The following RFX6 variants were observed in gnomAD, a reference collection of about 807,000 sequenced individuals.
The protein encoded by RFX6 is DNA-binding protein RFX6.
Under a neutral mutation model 110.8 loss-of-function variants are expected in RFX6, and 50 were observed. The ratio of observed to expected loss-of-function variants is 0.45; its 90% confidence interval spans 0.36 to 0.57. The LOEUF (loss-of-function observed/expected upper bound fraction) is 0.57. Among genes scored for constraint, RFX6 ranks in the 20% least tolerant of loss-of-function variants. RFX6 has a pLI of 0.00. For missense variants in RFX6, 990 were observed against 1,127.0 expected, an observed-to-expected ratio of 0.88 and a Z score of 1.74; for synonymous variants, 383 against 411.2, an observed-to-expected ratio of 0.93 and a Z score of 0.83.
chr6:116,895,079 T>C, intron 5 of RFX6, 101 bp from the exon 6 acceptor site: 1 of 648,110 alleles, frequency 1.5e-6, no homozygotes, highest in African/African-American at 1.8e-5. Flanking sequence ...ATTTCTCTAA[T>C]CATGGTATGA....
chr6:116,902,181 T>C (rs1027611170), intron 6 of RFX6, among the ~76,000 whole-genome samples: 2 of 151,988 alleles, frequency 1.3e-5, no homozygotes, highest in Non-Finnish European at 1.5e-5. Context: ...AATGTTTGAG[T>C]AGAAATGATC....
Position 116,928,654 on chromosome 6 carries a change from A to G in RFX6, c.2399-105A>G, listed in dbSNP as rs564178628. 3 of 776,454 alleles carry G rather than the reference A, an allele frequency of 3.9e-6. No homozygotes were observed. In the African/African-American group the frequency reaches 5.1e-5, roughly 13 times the overall value. The allele number at this position is 776,454 out of a possible 1,614,324, so 48.1% of individuals were successfully genotyped here. A position where few individuals can be genotyped will look rare whatever the true frequency, so the allele number is the denominator to read the frequency against. Reference sequence around the variant, plus strand: ...GTATAGATACACATGTAATACTTACAGTTTGATATCTTTAGGACGTCACCT... The same window carrying G: ...GTATAGATACACATGTAATACTTACGGTTTGATATCTTTAGGACGTCACCT... On this transcript the variant is annotated intron_variant, in intron 17 of 18. Coordinates refer to ENST00000332958, the MANE Select transcript of RFX6 (RefSeq NM_173560.4).
At chr6:116,894,797 GA>G (rs202133551) in intron 5 of RFX6, among the ~76,000 whole-genome samples, 7 of 150,750 alleles carry the variant, frequency 4.6e-5, no homozygotes, top group South Asian at 4.2e-4. Flanking sequence ...GTATCTTGTG[GA>G]AAAAAAAAGT....
Position 116,894,002 on chromosome 6 carries a change from G to C in RFX6, c.582G>C (p.Gly194=). The C allele has an allele frequency of 6.3e-7, 1 of 1,598,734 alleles. No homozygotes were observed. The highest frequency in any genetic ancestry group is 8.6e-7 in the Non-Finnish European group (1 of 1,166,148). Residue 194 remains glycine, a synonymous_variant, in exon 5 of 19, where the codon GGG becomes GGC. Transcript: ENST00000332958. The part of the protein sequence containing the change: ...TRGHSKYHYY[G]IGIKESSAYY... ...TTTGCTCTAGGTATCATTACTATGG[G>C]ATTGGCATCAAAGAGAGCAGTGCAT...
In RFX6 at chr6:116,931,480, A is replaced by G. The variant is rs1289810393; in HGVS notation, c.2761A>G (p.Met921Val). 2.5e-6 allele frequency: 4 copies of G among 1,613,668 alleles called. No individual in the cohort carries two copies. In the East Asian group the frequency reaches 8.9e-5, roughly 36 times the overall value. The change falls in exon 19 of 19, where the codon ATG becomes GTG. Residue 921 changes from methionine (M) to valine (V), a missense_variant. Physicochemically the swap from Met to Val is conservative, Grantham distance 21. Transcript: ENST00000332958. ...TTTACCACCTATCAACACTGTGTTC[A>G]TGGGAACAGCAGCTGGAGGCACTTA... ...SSLPPINTVF[M>V]GTAAGGT
chr6:116,931,221 G>T (rs994654268), intron 18 of RFX6, 110 bp from the exon 19 acceptor site: 2 of 815,620 alleles, frequency 2.5e-6, no homozygotes, highest in South Asian at 1.4e-5. Flanking sequence ...TTTAGAATAG[G>T]TATGTGTGCT....
At chr6:116,897,684 A>G (rs1316935690) in intron 6 of RFX6, among the ~76,000 whole-genome samples, 2 of 152,220 alleles carry the variant, frequency 1.3e-5, no homozygotes, top group Non-Finnish European at 2.9e-5. Context: ...ATTGGAGGCT[A>G]TCTGGATAGT....
intron 16 of RFX6, among the ~76,000 whole-genome samples, 193 bp from the exon 17 acceptor site, chr6:116,926,834 A>T (rs2114703502): frequency 6.6e-6 from 1 of 152,264 alleles, no homozygotes; most frequent in South Asian, 2.1e-4. Flanking sequence ...CACTGTTGTG[A>T]TATATACATG....
At chr6:116,921,147 A>G (rs1371274914) in intron 12 of RFX6, among the ~76,000 whole-genome samples, 1 of 152,152 alleles carries the variant, frequency 6.6e-6, no homozygotes, top group Non-Finnish European at 1.5e-5. Context: ...TATACACTGG[A>G]GCACAAACTA....
chr6:116,898,568 T>C (rs1775000076), intron 6 of RFX6, among the ~76,000 whole-genome samples: 1 of 152,112 alleles, frequency 6.6e-6, no homozygotes, highest in Non-Finnish European at 1.5e-5. Flanking sequence ...CAGTAAAGAA[T>C]GAAGACTGAA....
rs1775889166 is a variant in RFX6, at chr6:116,931,680, G to A, written c.*174G>A. On this transcript the variant is annotated 3_prime_UTR_variant, in exon 19 of 19. Transcript: ENST00000332958. ...CATAGTGAATGGAGATACTTGCAGA[G>A]CTTGTCATGCACACTAAGAGTTTAA... is the stretch of plus-strand genomic sequence containing the variant. 4 of 591,486 alleles carry A rather than the reference G, an allele frequency of 6.8e-6. No individual in the cohort carries two copies. Among genetic ancestry groups the A allele is most frequent in the Non-Finnish European group, 9.0e-6 (3 of 333,430 alleles). The allele number at this position is 591,486 out of a possible 1,614,324, so 36.6% of individuals were successfully genotyped here.
At chr6:116,886,847 G>A (rs972695589) in intron 4 of RFX6, among the ~76,000 whole-genome samples, 2 of 152,076 alleles carry the variant, frequency 1.3e-5, no homozygotes, top group African/African-American at 4.8e-5. Context: ...GGAGGATCAG[G>A]AGGTCAAGAG....
rs1774887650 is a variant in RFX6, at chr6:116,894,035, C to G, written c.615C>G (p.His205Gln). The G allele has an allele frequency of 1.2e-6, 2 of 1,601,056 alleles. No individual in the cohort carries two copies. The highest frequency in any genetic ancestry group is 2.7e-5 in the African/African-American group (2 of 74,652). The change falls in exon 5 of 19, where the codon CAC becomes CAG. Residue 205 changes from histidine (H) to glutamine (Q), a missense_variant. Around this residue, in one of 5 missense-constraint regions of RFX6, gnomAD observed 243 missense variants for 353.1 expected, o/e 0.69. Transcript: ENST00000332958. Reference protein sequence around the residue: ...IGIKESSAYYHSVYSGKGLTR... With the variant: ...IGIKESSAYYQSVYSGKGLTR... ...TCAAAGAGAGCAGTGCATATTACCA[C>G]TCCGTTTATTCTGGAAAGGGCTTGA... is the stretch of plus-strand genomic sequence containing the variant.
At chr6:116,895,603 C>G (rs1454896466) in intron 6 of RFX6, among the ~76,000 whole-genome samples, 1 of 151,532 alleles carries the variant, frequency 6.6e-6, no homozygotes, top group Non-Finnish European at 1.5e-5. Context: ...ATCAAGGAGC[C>G]CAAATGCTAT....
chr6:116,912,835 A>G (rs1011262285), intron 7 of RFX6, among the ~76,000 whole-genome samples: 13 of 135,406 alleles, frequency 9.6e-5, no homozygotes, highest in African/African-American at 3.8e-4. Context: ...ATACCTGCCA[A>G]TTTGAAAGAC....
rs749973634 is a variant in RFX6, at chr6:116,880,525, T to G, written c.381-19T>G. On this transcript the variant is annotated intron_variant, in intron 2 of 18. Transcript: ENST00000332958. ...AAGGAAATAAAATATTTGACCTAATTTTTGTTCCTTTTTCTTAGGCTTGAA... is the reference window on the plus strand; with the variant it reads ...AAGGAAATAAAATATTTGACCTAATGTTTGTTCCTTTTTCTTAGGCTTGAA... 36 of 1,608,666 alleles carry G rather than the reference T, an allele frequency of 2.2e-5. No individual in the cohort carries two copies. The highest frequency in any genetic ancestry group is 8.4e-5 in the Admixed American group (5 of 59,624).
At chr6:116,912,436 T>C (rs1247909534) in intron 7 of RFX6, among the ~76,000 whole-genome samples, 1 of 152,194 alleles carries the variant, frequency 6.6e-6, no homozygotes, top group East Asian at 1.9e-4. Flanking sequence ...TCAAACTATG[T>C]TCACTTCTGA....
chr6:116,926,048 G>A (rs1487675366), intron 16 of RFX6, among the ~76,000 whole-genome samples: 1 of 152,144 alleles, frequency 6.6e-6, no homozygotes. Flanking sequence ...TGGGTATGGT[G>A]GCTCATGCCT....
At chr6:116,878,052 T>A in intron 2 of RFX6, 100 bp downstream of exon 2, 1 of 1,276,836 alleles carries the variant, frequency 7.8e-7, no homozygotes, top group Non-Finnish European at 1.1e-6. Context: ...TTCCTCAAAC[T>A]TTTTGGGAAA....
Sources: gnomAD v4.1 joint callset for allele counts (sites outside exome capture counted in the v4.1 genomes callset) on GRCh38, gnomAD v4.1.1 for gene constraint, gnomAD v4.1.1 regional missense constraint, MANE v1.5 for transcripts, NCBI Gene and HGNC (gene_info 2026-07-23, HGNC 2026-07-21) for gene names.